Variants in MINDY4 observed in about 807,000 individuals in gnomAD.
MINDY4 encodes the protein MINDY lysine 48 deubiquitinase 4.
A neutral mutation model predicts 87.0 loss-of-function variants in MINDY4; 68 were observed. The observed-to-expected ratio is 0.78, with a 90% confidence interval of 0.64 to 0.96. The LOEUF (loss-of-function observed/expected upper bound fraction) is 0.96, where lower values mean the gene tolerates loss of function less well. MINDY4 is among the 40% of genes least tolerant of loss of function. The probability of loss-of-function intolerance (pLI) is 0.00; values close to 1 mark genes in which losing one functional copy is unlikely to be tolerated. For synonymous variants in MINDY4, 379 were observed against 363.2 expected, an observed-to-expected ratio of 1.04 and a Z score of -0.50; for missense variants, 919 against 928.2, an observed-to-expected ratio of 0.99 and a Z score of 0.13.
chr7:30,817,985 A>G (rs1269285928), intron 5 of MINDY4, among the ~76,000 whole-genome samples: 1 of 152,122 alleles, frequency 6.6e-6, no homozygotes, highest in Non-Finnish European at 1.5e-5. Flanking sequence ...TATCACCAGC[A>G]TATTGGGTAT....
intron 15 of MINDY4, among the ~76,000 whole-genome samples, chr7:30,879,618 C>T (rs901010463): frequency 4.6e-5 from 7 of 152,200 alleles, no homozygotes; most frequent in Non-Finnish European, 7.3e-5. Context: ...CCTTTGTGCA[C>T]GCTGCACCCT....
At chr7:30,819,868 G>A (rs1788270238) in intron 5 of MINDY4, among the ~76,000 whole-genome samples, 1 of 141,920 alleles carries the variant, frequency 7.0e-6, no homozygotes, top group South Asian at 2.3e-4. Flanking sequence ...TTTGTATCAT[G>A]TGTCTTAAAA....
intron 17 of MINDY4, among the ~76,000 whole-genome samples, chr7:30,886,484 TG>T (rs1010777039): frequency 2.0e-5 from 3 of 152,180 alleles, no homozygotes; most frequent in African/African-American, 7.2e-5. Context: ...GAAAGGCCTT[TG>T]GGCACCCCCT....
chr7:30,883,654 T>C (rs968971662), intron 17 of MINDY4, among the ~76,000 whole-genome samples: 2 of 152,258 alleles, frequency 1.3e-5, no homozygotes, highest in African/African-American at 2.4e-5. Context: ...CCTGGGCTGG[T>C]GGTGCGGTAG....
At chr7:30,804,306 C>A (rs563115920) in intron 5 of MINDY4, among the ~76,000 whole-genome samples, 5 of 152,284 alleles carry the variant, frequency 3.3e-5, no homozygotes, top group African/African-American at 9.6e-5. Context: ...GGATTTCTTT[C>A]ATTTCCTGTT....
intron 6 of MINDY4, among the ~76,000 whole-genome samples, chr7:30,830,549 A>C (rs578172107): frequency 6.6e-6 from 1 of 152,306 alleles, no homozygotes; most frequent in African/African-American, 2.4e-5. Flanking sequence ...TGGTGGCAGG[A>C]AGGAGAAGTC....
intron 17 of MINDY4, among the ~76,000 whole-genome samples, chr7:30,884,095 G>A (rs1376066856): frequency 3.9e-5 from 6 of 152,126 alleles, no homozygotes; most frequent in Non-Finnish European, 7.4e-5. Context: ...GGTTGTGACG[G>A]GGGATGCAAA....
intron 4 of MINDY4, among the ~76,000 whole-genome samples, chr7:30,788,799 C>T (rs532539595): frequency 9.2e-5 from 14 of 152,306 alleles, no homozygotes; most frequent in South Asian, 4.2e-4. Flanking sequence ...CCACGGTCAG[C>T]GGAATGCCTG....
chr7:30,869,869 A>G (rs7793504), intron 13 of MINDY4, among the ~76,000 whole-genome samples: 56,476 of 152,046 alleles, frequency 0.37, 14,408 homozygotes, highest in African/African-American at 0.72. Context: ...ACTAAGCCAT[A>G]TGGATTGCCT....
At chr7:30,821,250 C>T (rs1407600737) in intron 5 of MINDY4, among the ~76,000 whole-genome samples, 3 of 151,958 alleles carry the variant, frequency 2.0e-5, no homozygotes, top group East Asian at 1.9e-4. Context: ...AAATGCTTGC[C>T]GATTTCTTTT....
In MINDY4 at chr7:30,852,238, A is replaced by G. The variant is rs772400911; in HGVS notation, c.1570A>G (p.Ser524Gly). The G allele has an allele frequency of 6.2e-7, 1 of 1,614,206 alleles. No homozygotes were observed. The highest frequency in any genetic ancestry group is 8.5e-7 in the Non-Finnish European group (1 of 1,180,030). The change falls in exon 11 of 18, where the codon AGT becomes GGT. Residue 524 changes from serine (S) to glycine (G), a missense_variant. Coordinates refer to ENST00000265299, the MANE Select transcript of MINDY4 (RefSeq NM_032222.3). ...VALASRTQQF[S>G]PTGKYKADGV... Reference sequence around the variant, plus strand: ...TAGGGCTTCGAGAACACAGCAGTTCAGTCCAACAGGGAAATACAAAGCAGA... The same window carrying G: ...TAGGGCTTCGAGAACACAGCAGTTCGGTCCAACAGGGAAATACAAAGCAGA...
intron 11 of MINDY4, among the ~76,000 whole-genome samples, chr7:30,853,023 A>G (rs1789460740): frequency 6.6e-6 from 1 of 152,038 alleles, no homozygotes; most frequent in African/African-American, 2.4e-5. Context: ...TGGCCTGGCT[A>G]TTGTGATTTG....
intron 2 of MINDY4, chr7:30,779,716 G>C (rs1365035039): frequency 6.6e-6 from 1 of 152,336 alleles, no homozygotes; most frequent in Middle Eastern, 3.4e-3. Context: ...CGGTTACCAG[G>C]TAGGGATGAG....
Position 30,884,314 on chromosome 7 carries a change from A to G in MINDY4, c.2225+1321A>G, listed in dbSNP as rs986178326. Among the ~76,000 whole-genome samples, 6 of 152,302 alleles carry G rather than the reference A, an allele frequency of 3.9e-5. No individual in the cohort carries two copies. In the South Asian group the frequency reaches 8.3e-4, roughly 21 times the overall value. On this transcript the variant is annotated intron_variant, in intron 17 of 17. Transcript: ENST00000265299. The stretch of plus-strand genomic sequence containing the variant: ...CGTCCGTCCGTCCATCCGTTCGTCC[A>G]TCCACCTGCCCGCCCCCTGAGCCAG...
At chr7:30,881,513 C>G (rs1266466429) in intron 15 of MINDY4, among the ~76,000 whole-genome samples, 1 of 152,166 alleles carries the variant, frequency 6.6e-6, no homozygotes, top group Non-Finnish European at 1.5e-5. Context: ...TCCTAGTTGT[C>G]TTTACCGTGC....
intron 1 of MINDY4, among the ~76,000 whole-genome samples, chr7:30,774,850 CTCTCT>C (rs1786760457): frequency 6.6e-6 from 1 of 151,966 alleles, no homozygotes; most frequent in Admixed American, 6.5e-5. Flanking sequence ...TAGTTTATGG[CTCTCT>C]TCTCTTCTTC....
chr7:30,816,716 C>A (rs1025392585), intron 5 of MINDY4, among the ~76,000 whole-genome samples: 3 of 151,988 alleles, frequency 2.0e-5, no homozygotes, highest in African/African-American at 7.2e-5. Context: ...GCCCAGTTCC[C>A]AATTAAGGGA....
intron 11 of MINDY4, 120 bp downstream of exon 11, chr7:30,852,399 G>A (rs1789439957): frequency 6.5e-7 from 1 of 1,533,340 alleles, no homozygotes; most frequent in Admixed American, 2.0e-5. Context: ...CCAGGTCCCA[G>A]GAATCCTCAT....
intron 12 of MINDY4, among the ~76,000 whole-genome samples, chr7:30,856,396 G>A (rs1411809265): frequency 6.6e-6 from 1 of 152,022 alleles, no homozygotes; most frequent in African/African-American, 2.4e-5. Flanking sequence ...CCTCAAGCAG[G>A]GTTCTTCCCC....
Sources: gnomAD v4.1 joint callset for allele counts (sites outside exome capture counted in the v4.1 genomes callset) on GRCh38, gnomAD v4.1.1 for gene constraint, MANE v1.5 for transcripts, NCBI Gene and HGNC (gene_info 2026-07-23, HGNC 2026-07-21) for gene names.